MED12L: variants seen among roughly 807,000 people sequenced by gnomAD.
MED12L encodes mediator complex subunit 12L.
In MED12L, 60 loss-of-function variants were observed where a neutral mutation model predicts 281.3. That is an observed-to-expected ratio of 0.21 (90% CI 0.17 to 0.26). The LOEUF (loss-of-function observed/expected upper bound fraction) is 0.26. Ranked by LOEUF, MED12L falls within the 10% of genes least tolerant of loss-of-function variation. The pLI is 1.00. For missense variants in MED12L, 2,146 were observed against 2,680.9 expected (o/e 0.80, Z 4.41); for synonymous variants, 974 against 987.2 (o/e 0.99, Z 0.25).
At chr3:151,394,524 T>TGG in intron 38 of MED12L, 132 bp from the exon 39 acceptor site, 1 of 1,346,072 alleles carries the variant, frequency 7.4e-7, no homozygotes, top group South Asian at 1.5e-5. Flanking sequence ...TTGTGGCAGG[T>TGG]GGGACAGTGC....
At chr3:151,155,211 T>G (rs1719117283) in intron 5 of MED12L, among the ~76,000 whole-genome samples, 1 of 152,232 alleles carries the variant, frequency 6.6e-6, no homozygotes, top group Non-Finnish European at 1.5e-5. Flanking sequence ...GTAGGGTGTT[T>G]TCTTCTGAAA....
chr3:151,130,331 A>T (rs1406622881), intron 5 of MED12L, among the ~76,000 whole-genome samples: 1 of 152,202 alleles, frequency 6.6e-6, no homozygotes, highest in Non-Finnish European at 1.5e-5. Flanking sequence ...AAAATCCTAC[A>T]TTCAGTCCGT....
At chr3:151,388,967 T>C (rs1324627767) in intron 37 of MED12L, among the ~76,000 whole-genome samples, 1 of 152,246 alleles carries the variant, frequency 6.6e-6, no homozygotes, top group Non-Finnish European at 1.5e-5. Flanking sequence ...ATATTCACCA[T>C]TTCATTCAGA....
At chr3:151,425,439 C>T (rs1383147323) in intron 43 of MED12L, 1 of 268,876 alleles carries the variant, frequency 3.7e-6, no homozygotes, top group Non-Finnish European at 7.5e-6. Context: ...TCAATCTTGT[C>T]AGCCAGGCTG....
chr3:151,411,609 T>C (rs1716946995), intron 41 of MED12L, 102 bp downstream of exon 41: 1 of 1,017,680 alleles, frequency 9.8e-7, no homozygotes, highest in Non-Finnish European at 1.5e-6. Context: ...TTTTATGAGC[T>C]TGCATATTTG....
At chr3:151,422,513 A>G (rs1291660661) in intron 43 of MED12L, among the ~76,000 whole-genome samples, 1 of 152,098 alleles carries the variant, frequency 6.6e-6, no homozygotes, top group African/African-American at 2.4e-5. Context: ...CCCTGTGCAT[A>G]TACGTGTCTA....
intron 5 of MED12L, among the ~76,000 whole-genome samples, chr3:151,137,505 G>T (rs1716323491): frequency 6.6e-6 from 1 of 152,156 alleles, no homozygotes; most frequent in Admixed American, 6.5e-5. Flanking sequence ...GGTGCTAAAG[G>T]TGCTCATTGC....
chr3:151,365,243 A>G (rs116294706), intron 22 of MED12L, 37 bp downstream of exon 22: 274 of 1,535,730 alleles, frequency 1.8e-4, no homozygotes, highest in Non-Finnish European at 2.3e-4. Flanking sequence ...GATTAACCAA[A>G]GAGTTGTTGC....
At chr3:151,328,517 A>T (rs767732637) in intron 16 of MED12L, 1 of 1,614,024 alleles carries the variant, frequency 6.2e-7, no homozygotes, top group South Asian at 1.1e-5. Context: ...GTTGCTCAAG[A>T]TCGTATTTGG....
chr3:151,343,600 C>G (rs1211764115), intron 16 of MED12L, among the ~76,000 whole-genome samples: 1 of 151,314 alleles, frequency 6.6e-6, no homozygotes, highest in Non-Finnish European at 1.5e-5. Context: ...GTTATAGATA[C>G]TTTAATCTCT....
At chr3:151,378,926 T>A (rs1280167379) in intron 31 of MED12L, among the ~76,000 whole-genome samples, 1 of 152,362 alleles carries the variant, frequency 6.6e-6, no homozygotes. Context: ...TTAAAATTCT[T>A]ATAGCAATCA....
chr3:151,281,763 C>T (rs62283018), intron 16 of MED12L, among the ~76,000 whole-genome samples: 14,585 of 152,180 alleles, frequency 0.096, 1,031 homozygotes, highest in East Asian at 0.33. Flanking sequence ...GCCCACCCCA[C>T]GTGCTCACAC....
At position 151,158,766 on chromosome 3, in the gene MED12L, T is replaced by C. The variant is rs777218942; in HGVS notation, c.804T>C (p.Asp268=). ...AAAAGATCAGACCAATGGATGATGA[T>C]CTTCTTAAACTCTTGCTACCACTAA... ...VLEKIRPMDD[D]LLKLLLPLML... is the part of the protein sequence containing the mutation. The change falls in exon 7 of 45, where the codon GAT becomes GAC. Residue 268 remains aspartate, a synonymous_variant. Transcript: ENST00000687756. The C allele has an allele frequency of 6.2e-7, 1 of 1,613,122 alleles. No homozygotes were observed. The highest frequency in any genetic ancestry group is 1.3e-5 in the African/African-American group (1 of 75,022).
chr3:151,409,246 C>T lies in MED12L; in HGVS notation c.5824C>T (p.Gln1942Ter). 1 of 1,589,020 alleles carries T rather than the reference C, an allele frequency of 6.3e-7. No homozygotes were observed. Among genetic ancestry groups the T allele is most frequent in the Non-Finnish European group, 8.5e-7 (1 of 1,172,300 alleles). Residue 1942 changes from glutamine to a stop codon, truncating the protein, a stop_gained, in exon 40 of 45, where the codon CAG becomes TAG. Coordinates refer to ENST00000687756, the MANE Select transcript of MED12L (RefSeq NM_001393769.1). LOFTEE classifies it high-confidence loss of function. ...TTGCTTTGGCTTTGTTTTCCAGGGC[C>T]AGCCGGGGGACCAGGCTGCTCTCTT... Reference protein sequence around the residue: ...QAQTRPFQQGQPGDQAALFAA... With the variant: ...QAQTRPFQQG
chr3:151,338,811 C>A (rs2149936497), intron 16 of MED12L: 1 of 1,613,654 alleles, frequency 6.2e-7, no homozygotes. Context: ...ACTGGTGTTA[C>A]CAGGCGCAGA....
intron 16 of MED12L, among the ~76,000 whole-genome samples, chr3:151,221,279 T>A (rs1729292816): frequency 6.6e-6 from 1 of 152,126 alleles, no homozygotes; most frequent in Non-Finnish European, 1.5e-5. Context: ...GTTCAGAAAA[T>A]TTGCAGCCTG....
At chr3:151,255,392 C>T (rs1334363669) in intron 16 of MED12L, among the ~76,000 whole-genome samples, 2 of 151,842 alleles carry the variant, frequency 1.3e-5, no homozygotes, top group East Asian at 3.9e-4. Flanking sequence ...TAATGAGCAT[C>T]CAGTAGAGTA....
At chr3:151,259,245 A>G (rs1023829109) in intron 16 of MED12L, among the ~76,000 whole-genome samples, 1 of 152,202 alleles carries the variant, frequency 6.6e-6, no homozygotes, top group South Asian at 2.1e-4. Context: ...GTGAGGTGCT[A>G]TCAACCTCTG....
At chr3:151,162,412 A>T (rs1198079226) in intron 8 of MED12L, among the ~76,000 whole-genome samples, 3 of 151,822 alleles carry the variant, frequency 2.0e-5, no homozygotes, top group East Asian at 3.9e-4. Context: ...TATTTTTTTT[A>T]AATTGATTGA....
Sources: gnomAD v4.1 joint callset for allele counts (sites outside exome capture counted in the v4.1 genomes callset) on GRCh38, gnomAD v4.1.1 for gene constraint, MANE v1.5 for transcripts, NCBI Gene and HGNC (gene_info 2026-07-23, HGNC 2026-07-21) for gene names.